Variants in PTPN11 observed in about 807,000 individuals in gnomAD.
The protein encoded by PTPN11 is protein tyrosine phosphatase non-receptor type 11.
PTPN11 carries 6 observed loss-of-function variants against 78.8 expected under a neutral mutation model. The observed-to-expected ratio is 0.08, with a 90% CI of 0.04 to 0.15. The LOEUF is 0.15. PTPN11 is among the 10% of genes least tolerant of loss of function. The pLI, the probability that PTPN11 is intolerant of heterozygous loss-of-function variation, is 1.00. For synonymous variants in PTPN11, 221 were observed against 263.5 expected (o/e 0.84, Z 1.56); for missense variants, 386 against 744.8 (o/e 0.52, Z 5.61).
At chr12:112,439,147 CAG>C (rs2037841818) in intron 1 of PTPN11, among the ~76,000 whole-genome samples, 2 of 152,160 alleles carry the variant, frequency 1.3e-5, no homozygotes, top group Non-Finnish European at 2.9e-5. Context: ...CCCAGGGTCA[CAG>C]AGAGCTGGGC....
intron 1 of PTPN11, chr12:112,428,765 G>C (rs2037662621): frequency 6.4e-6 from 1 of 156,514 alleles, no homozygotes; most frequent in African/African-American, 2.4e-5. Context: ...ATTTATTTTT[G>C]AGACGGAGTT....
At chr12:112,440,461 A>G (rs1430651880) in intron 1 of PTPN11, among the ~76,000 whole-genome samples, 1 of 149,212 alleles carries the variant, frequency 6.7e-6, no homozygotes, top group Non-Finnish European at 1.5e-5. Context: ...TTTTTAGTAG[A>G]GACGGGGTTT....
At position 112,466,909 on chromosome 12, in the gene PTPN11, T is replaced by TGGTCCTTTTCCTC. The variant is rs199659857; in HGVS notation, c.757-6034_757-6022dup. On this transcript the variant is annotated intron_variant, in intron 6 of 15. Transcript: ENST00000351677. ...TTTATTTTCTGTCTGCCTCTCTCCTTGGTCCTTTTCCTCCACTTTCATTCA... is the reference window on the plus strand; with the variant it reads ...TTTATTTTCTGTCTGCCTCTCTCCTTGGTCCTTTTCCTCGGTCCTTTTCCTCCACTTTCATTCA... Among the ~76,000 whole-genome samples the TGGTCCTTTTCCTC allele has an allele frequency of 2.3e-3, 344 of 152,138 alleles. 8 individuals are homozygous for TGGTCCTTTTCCTC. The East Asian group carries it at 0.06, about 27-fold the overall frequency.
In PTPN11 at chr12:112,453,334, G is replaced by A. The variant is rs2135867266; in HGVS notation, c.472G>A (p.Gly158Arg). 1 of 1,614,138 alleles carries A rather than the reference G, an allele frequency of 6.2e-7. No homozygotes were observed. Among genetic ancestry groups the A allele is most frequent in the African/African-American group, 1.3e-5 (1 of 75,048 alleles). Residue 158 changes from glycine (G) to arginine (R), a missense_variant, in exon 4 of 16, where the codon GGG becomes AGG. This residue lies in a region of PTPN11 where 279 missense variants were observed against 503.3 expected (regional missense o/e 0.55). Transcript: ENST00000351677. Reference sequence around the variant, plus strand: ...TTCTGTGCGCACTGGTGATGACAAAGGGGAGAGCAATGACGGCAAGTCTAA... The same window carrying A: ...TTCTGTGCGCACTGGTGATGACAAAAGGGAGAGCAATGACGGCAAGTCTAA... ...VLSVRTGDDK[G>R]ESNDGKSKVT...
In PTPN11 at chr12:112,507,453, A is replaced by T. The variant is rs1200146717; in HGVS notation, c.*1661A>T. 1 of 152,754 alleles carries T rather than the reference A, an allele frequency of 6.5e-6. No homozygotes were observed. The highest frequency in any genetic ancestry group is 2.4e-5 in the African/African-American group (1 of 41,464). The allele number at this position is 152,754 out of a possible 1,614,324, so 9.5% of individuals were successfully genotyped here. A position where few individuals can be genotyped will look rare whatever the true frequency, so the allele number is the denominator to read the frequency against. Reference sequence around the variant, plus strand: ...ACTGGGTTTTAGTCAGGCCACAGTGAGAAGGAACAGCCCTAACAGGCCTCC... The same window carrying T: ...ACTGGGTTTTAGTCAGGCCACAGTGTGAAGGAACAGCCCTAACAGGCCTCC... On this transcript the variant is annotated 3_prime_UTR_variant, in exon 16 of 16. Transcript: ENST00000351677.
chr12:112,459,360 TTGA>T (rs1032877066), intron 6 of PTPN11, among the ~76,000 whole-genome samples: 3 of 152,132 alleles, frequency 2.0e-5, no homozygotes, highest in Non-Finnish European at 4.4e-5. Flanking sequence ...TTAACAACTG[TTGA>T]TAATATGGCC....
intron 1 of PTPN11, among the ~76,000 whole-genome samples, chr12:112,435,451 ACAGT>A (rs1215097601): frequency 2.0e-4 from 31 of 152,310 alleles, no homozygotes; most frequent in African/African-American, 3.1e-4. Flanking sequence ...GACAGTGGTG[ACAGT>A]CAGGGAACAG....
intron 1 of PTPN11, among the ~76,000 whole-genome samples, chr12:112,442,861 T>TAAATTATATATACAC (rs1424975166): frequency 2.5e-5 from 2 of 79,668 alleles, no homozygotes; most frequent in African/African-American, 1.2e-4. Context: ...TATATATATA[T>TAAATTATATATACAC]ATATATATAT....
intron 11 of PTPN11, among the ~76,000 whole-genome samples, chr12:112,487,265 G>A (rs2038692596): frequency 6.6e-6 from 1 of 151,894 alleles, no homozygotes; most frequent in African/African-American, 2.4e-5. Flanking sequence ...CTCCCAAGTA[G>A]CTGGGATTAC....
intron 13 of PTPN11, among the ~76,000 whole-genome samples, chr12:112,500,547 G>T (rs1037208364): frequency 6.6e-6 from 1 of 152,080 alleles, no homozygotes; most frequent in African/African-American, 2.4e-5. Flanking sequence ...TTAATAAATT[G>T]GTTTGGCTAC....
At chr12:112,464,201 T>G (rs950142790) in intron 6 of PTPN11, among the ~76,000 whole-genome samples, 1 of 152,226 alleles carries the variant, frequency 6.6e-6, no homozygotes, top group Non-Finnish European at 1.5e-5. Context: ...TCTGTAAAAT[T>G]CTACACGTCA....
intron 6 of PTPN11, among the ~76,000 whole-genome samples, chr12:112,457,780 A>G (rs959149486): frequency 6.6e-6 from 1 of 152,202 alleles, no homozygotes; most frequent in South Asian, 2.1e-4. Flanking sequence ...GCACTCTTCT[A>G]TATCACTTAC....
At chr12:112,495,339 T>TA (rs749970900) in intron 13 of PTPN11, among the ~76,000 whole-genome samples, 69 of 152,250 alleles carry the variant, frequency 4.5e-4, no homozygotes, top group Admixed American at 3.6e-3. Flanking sequence ...GACAGCTTCT[T>TA]AGGCTTTCCT....
At chr12:112,421,879 C>A (rs755167002) in intron 1 of PTPN11, among the ~76,000 whole-genome samples, 17 of 152,298 alleles carry the variant, frequency 1.1e-4, no homozygotes, top group African/African-American at 3.8e-4. Flanking sequence ...CTTCCTGCCT[C>A]GGCCTCCCAA....
chr12:112,454,229 C>T (rs181165513), intron 4 of PTPN11, among the ~76,000 whole-genome samples: 11 of 152,238 alleles, frequency 7.2e-5, no homozygotes, highest in Non-Finnish European at 1.3e-4. Context: ...AAGTGATTCT[C>T]GTGCCTCACC....
intron 6 of PTPN11, among the ~76,000 whole-genome samples, chr12:112,468,934 C>T (rs951978140): frequency 2.0e-5 from 3 of 152,056 alleles, no homozygotes; most frequent in South Asian, 2.1e-4. Context: ...TGTGGTGGTG[C>T]GTGCCTGTAG....
At chr12:112,448,753 T>G (rs1246137024) in intron 2 of PTPN11, among the ~76,000 whole-genome samples, 2 of 152,238 alleles carry the variant, frequency 1.3e-5, no homozygotes, top group Non-Finnish European at 2.9e-5. Flanking sequence ...TCTAATATTT[T>G]AAAATGATAT....
rs772634205 is a variant in PTPN11 at position 112,454,789 on chromosome 12, T to C, written c.642+109T>C. ...GACAGAATAGTATCATCAGCCTCCA[T>C]GTACCCATTGCAGCTTCAACTATCA... On this transcript the variant is annotated intron_variant, in intron 5 of 15. Transcript: ENST00000351677. The C allele has an allele frequency of 6.6e-6, 5 of 760,752 alleles. No homozygotes were observed. The East Asian group carries it at 8.0e-5, about 12-fold the overall frequency. The allele number at this position is 760,752 out of a possible 1,614,324, so 47.1% of individuals were successfully genotyped here.
chr12:112,422,822 G>C (rs1566152319), intron 1 of PTPN11, among the ~76,000 whole-genome samples: 1 of 152,208 alleles, frequency 6.6e-6, no homozygotes, highest in Admixed American at 6.5e-5. Flanking sequence ...TGTGGAGACT[G>C]TTATGAGTGG....
Sources: gnomAD v4.1 joint callset for allele counts (sites outside exome capture counted in the v4.1 genomes callset) on GRCh38, gnomAD v4.1.1 for gene constraint, gnomAD v4.1.1 regional missense constraint, MANE v1.5 for transcripts, NCBI Gene and HGNC (gene_info 2026-07-23, HGNC 2026-07-21) for gene names.